The following ASPM variants were observed in gnomAD, a reference collection of about 807,000 sequenced individuals.
ASPM encodes the protein abnormal spindle-like microcephaly-associated protein.
Under a neutral mutation model 366.4 loss-of-function variants are expected in ASPM, and 256 were observed. The ratio of observed to expected loss-of-function variants is 0.70; its 90% CI spans 0.63 to 0.77. ASPM has a LOEUF of 0.77. Ranked by LOEUF, ASPM falls within the 30% of genes least tolerant of loss-of-function variation. The probability of loss-of-function intolerance (pLI) is 0.00; values close to 1 mark genes in which losing one functional copy is unlikely to be tolerated. For missense variants in ASPM, 4,146 were observed against 4,090.4 expected, an observed-to-expected ratio of 1.01 and a Z score of -0.37; for synonymous variants, 1,414 against 1,342.9, an observed-to-expected ratio of 1.05 and a Z score of -1.16.
chr1:197,117,309 T>C (rs1169592265), intron 17 of ASPM, among the ~76,000 whole-genome samples: 1 of 151,984 alleles, frequency 6.6e-6, no homozygotes, highest in Admixed American at 6.6e-5. Context: ...ATTAAGTCAG[T>C]ATTATATATT....
intron 18 of ASPM, among the ~76,000 whole-genome samples, chr1:197,096,525 T>C (rs963166440): frequency 2.6e-5 from 4 of 151,772 alleles, no homozygotes; most frequent in East Asian, 1.9e-4. Flanking sequence ...AATGAACACA[T>C]TGACCTACTG....
rs759761851 is a variant in ASPM at position 197,100,661 on chromosome 1, T to A, written c.8590A>T (p.Ile2864Phe). The A allele has an allele frequency of 6.2e-7, 1 of 1,612,360 alleles. No homozygotes were observed. Among genetic ancestry groups the A allele is most frequent in the African/African-American group, 1.3e-5 (1 of 74,934 alleles). Reference sequence around the variant, plus strand: ...GTCCTAAAATAATGCTGTAAAGTGATAGCAGCTCTTTTCTGCTGAACAAAT... The same window carrying A: ...GTCCTAAAATAATGCTGTAAAGTGAAAGCAGCTCTTTTCTGCTGAACAAAT... ...RRFVQQKRAAITLQHYFRTWQ... is the reference protein window; with the variant it reads ...RRFVQQKRAAFTLQHYFRTWQ... The change falls in exon 18 of 28, where the codon ATC becomes TTC. Residue 2864 changes from isoleucine to phenylalanine, a missense_variant. This residue lies in a region of ASPM where 3,624 missense variants were observed against 3,591.7 expected (regional missense o/e 1.01). Transcript: ENST00000367409.
intron 17 of ASPM, among the ~76,000 whole-genome samples, chr1:197,116,006 A>G (rs566510903): frequency 7.9e-5 from 12 of 152,356 alleles, no homozygotes; most frequent in African/African-American, 2.9e-4. Context: ...CAAAAGTCCT[A>G]GATGGCATCT....
intron 22 of ASPM, 82 bp from the exon 23 acceptor site, chr1:197,091,123 A>ATGTATATT: frequency 1.7e-6 from 2 of 1,146,886 alleles, no homozygotes; most frequent in Non-Finnish European, 2.5e-6. Flanking sequence ...TTATACATAA[A>ATGTATATT]TGAAAGAAAT....
chr1:197,140,902 G>A (rs1439230623), intron 3 of ASPM, among the ~76,000 whole-genome samples: 10 of 152,112 alleles, frequency 6.6e-5, no homozygotes, highest in Non-Finnish European at 1.2e-4. Context: ...AAGTGATAGA[G>A]AATAACAGGC....
Position 197,142,865 on chromosome 1 carries a change from TGTA to T in ASPM, c.1384_1386del (p.Tyr462del). The T allele has an allele frequency of 6.2e-7, 1 of 1,613,046 alleles. No homozygotes were observed. Among genetic ancestry groups the T allele is most frequent in the Non-Finnish European group, 8.5e-7 (1 of 1,179,074 alleles). On this transcript the variant is annotated inframe_deletion, in exon 3 of 28. Transcript: ENST00000367409. Reference sequence around the variant, plus strand: ...TTAGGATTATTTTGTTTTATAAAACTGTAGTAATTTGACTTCATTTCTACTAGT... The same window carrying T: ...TTAGGATTATTTTGTTTTATAAAACTGTAATTTGACTTCATTTCTACTAGT...
In ASPM at chr1:197,096,056, T is replaced by C. The variant is rs148818072; in HGVS notation, c.8929A>G (p.Ile2977Val). 156 of 1,609,040 alleles carry C rather than the reference T, an allele frequency of 9.7e-5. No homozygotes were observed. Among genetic ancestry groups the C allele is most frequent in the African/African-American group, 2.8e-4 (21 of 74,798 alleles). The change falls in exon 19 of 28, where the codon ATA becomes GTA. Residue 2977 changes from isoleucine to valine, a missense_variant. Ile to Val is a conservative substitution (Grantham distance 29). Transcript: ENST00000367409. ...TGAATAATTTTAACAGCTTTTAATATAGCTAGATATTCTTTGTGTGCTCTC... is the reference window on the plus strand; with the variant it reads ...TGAATAATTTTAACAGCTTTTAATACAGCTAGATATTCTTTGTGTGCTCTC... Reference protein sequence around the residue: ...CWRAHKEYLAILKAVKIIQGC... With the variant: ...CWRAHKEYLAVLKAVKIIQGC...
rs1657283902 is a variant in ASPM, at chr1:197,103,612, G to A, written c.5639C>T (p.Ser1880Phe). 3.1e-6 allele frequency: 5 copies of A among 1,612,696 alleles called. No homozygotes were observed. The African/African-American group carries it at 5.3e-5, about 17-fold the overall frequency. ...CCAGCCACGATAAGCAGACTGGAGG[G>A]AAATCACAGCTGCCTTTGTCTTCAA... is the stretch of plus-strand genomic sequence containing the variant. ...HFLKTKAAVI[S>F]LQSAYRGWKV... Residue 1880 changes from serine (S) to phenylalanine (F), a missense_variant, in exon 18 of 28, where the codon TCC becomes TTC. This residue lies in a region of ASPM where 3,624 missense variants were observed against 3,591.7 expected (regional missense o/e 1.01). Coordinates refer to ENST00000367409, the MANE Select transcript of ASPM (RefSeq NM_018136.5).
At chr1:197,145,768 C>G (rs960150033) in intron 1 of ASPM, among the ~76,000 whole-genome samples, 18 of 151,686 alleles carry the variant, frequency 1.2e-4, no homozygotes, top group Admixed American at 1.2e-3. Flanking sequence ...ATAACTTGCT[C>G]CTAAAGATGC....
At chr1:197,135,780 G>A (rs1352553360) in intron 4 of ASPM, among the ~76,000 whole-genome samples, 5 of 151,928 alleles carry the variant, frequency 3.3e-5, no homozygotes, top group African/African-American at 9.7e-5. Flanking sequence ...GCAAAACCCC[G>A]TCTCTACCAA....
chr1:197,115,727 C>G (rs61819087), intron 17 of ASPM, among the ~76,000 whole-genome samples: 46,351 of 152,090 alleles, frequency 0.3, 8,848 homozygotes, highest in Middle Eastern at 0.46. Context: ...AAGGAATCTT[C>G]TTTTCTGTGT....
Position 197,135,171 on chromosome 1 carries a change from C to T in ASPM, c.2098G>A (p.Glu700Lys). The change falls in exon 5 of 28, where the codon GAA (glutamate) becomes AAA (lysine). Residue 700 changes from glutamate to lysine, a missense_variant. Around this residue, in one of 3 missense-constraint regions of ASPM, gnomAD observed 3,624 missense variants for 3,591.7 expected, o/e 1.01. Transcript: ENST00000367409. Reference protein sequence around the residue: ...FYDERWKEKQEQGFTWWLNFI... With the variant: ...FYDERWKEKQKQGFTWWLNFI... The stretch of plus-strand genomic sequence containing the variant: ...TTTAACCACCAAGTGAAGCCCTGTT[C>T]CTGCTTTTCCTTCCAGCGTTCATCA... The T allele has an allele frequency of 6.2e-7, 1 of 1,613,680 alleles. No individual in the cohort carries two copies. Among genetic ancestry groups the T allele is most frequent in the Non-Finnish European group, 8.5e-7 (1 of 1,179,652 alleles).
At chr1:197,144,366 TTTTG>T (rs745903520) in intron 1 of ASPM, among the ~76,000 whole-genome samples, 20 of 152,182 alleles carry the variant, frequency 1.3e-4, no homozygotes, top group African/African-American at 3.6e-4. Flanking sequence ...CTCTAAATCA[TTTTG>T]TTTGAGTGGT....
At chr1:197,106,975 G>C (rs1657431023) in intron 17 of ASPM, among the ~76,000 whole-genome samples, 2 of 152,030 alleles carry the variant, frequency 1.3e-5, no homozygotes, top group South Asian at 4.1e-4. Context: ...ACTATAACCT[G>C]TGCCATACTT....
chr1:197,100,487 C>A lies in ASPM; in HGVS notation c.8764G>T (p.Gly2922Ter), dbSNP rs1438789276. 2 of 1,601,388 alleles carry A rather than the reference C, an allele frequency of 1.2e-6. No individual in the cohort carries two copies. The highest frequency in any genetic ancestry group is 2.3e-5 in the South Asian group (2 of 88,650). ...TGAAACTTCCGTTTCTGTATAAATC[C>A]TTTACTTCTAGCTTGAATAATGATA... is the stretch of plus-strand genomic sequence containing the variant. ...SVIIIQARSK[G>*]FIQKRKFQEI... is the part of the protein sequence containing the mutation. Residue 2922 changes from glycine (G) to a stop codon, truncating the protein, a stop_gained, in exon 18 of 28, where the codon GGA becomes TGA. Coordinates refer to ENST00000367409, the MANE Select transcript of ASPM (RefSeq NM_018136.5). LOFTEE classifies it high-confidence loss of function.
chr1:197,086,948 C>T lies in ASPM; in HGVS notation c.10186G>A (p.Val3396Ile). The T allele has an allele frequency of 5.0e-6, 8 of 1,609,896 alleles. No individual in the cohort carries two copies. The highest frequency in any genetic ancestry group is 6.8e-6 in the Non-Finnish European group (8 of 1,179,428). Residue 3396 changes from valine to isoleucine, a missense_variant, in exon 27 of 28, where the codon GTT becomes ATT. Around this residue, in one of 3 missense-constraint regions of ASPM, gnomAD observed 3,624 missense variants for 3,591.7 expected, o/e 1.01. Coordinates refer to ENST00000367409, the MANE Select transcript of ASPM (RefSeq NM_018136.5). ...TTGTAGAGACTGTAAATACGGTCAACAACTTTGGACCTACTTCGTACATCC... is the reference window on the plus strand; with the variant it reads ...TTGTAGAGACTGTAAATACGGTCAATAACTTTGGACCTACTTCGTACATCC... ...ASDVRSRSKV[V>I]DRIYSLYKLT... is the part of the protein sequence containing the mutation.
At position 197,135,091 on chromosome 1, in the gene ASPM, T is replaced by A. The variant is rs1196624971; in HGVS notation, c.2173+5A>T. 4 of 1,558,278 alleles carry A rather than the reference T, an allele frequency of 2.6e-6. No individual in the cohort carries two copies. The highest frequency in any genetic ancestry group is 3.5e-6 in the Non-Finnish European group (4 of 1,132,866). ...ATTAAATTTAAACATTAATTTAACG[T>A]TTACCTTCAGAAATATTTGTTTTTA... On this transcript the variant is annotated splice_donor_5th_base_variant and intron_variant, in intron 5 of 27. Transcript: ENST00000367409.
Position 197,135,079 on chromosome 1 carries a change from ATTAAT to A in ASPM, c.2173+12_2173+16del. ...GTTAAAAGTATTATTAAATTTAAAC[ATTAAT>A]TTAACGTTTACCTTCAGAAATATTT... On this transcript the variant is annotated intron_variant, in intron 5 of 27. Coordinates refer to ENST00000367409, the MANE Select transcript of ASPM (RefSeq NM_018136.5). 1.3e-6 allele frequency: 2 copies of A among 1,487,912 alleles called. No homozygotes were observed. Among genetic ancestry groups the A allele is most frequent in the Non-Finnish European group, 9.3e-7 (1 of 1,075,926 alleles). 92.2% of individuals were successfully genotyped at this position (1,487,912 alleles called of 1,614,324 possible). A position where few individuals can be genotyped will look rare whatever the true frequency, so the allele number is the denominator to read the frequency against.
At position 197,103,327 on chromosome 1, in the gene ASPM, A is replaced by G. The variant is rs1249978221; in HGVS notation, c.5924T>C (p.Ile1975Thr). The change falls in exon 18 of 28, where the codon ATC becomes ACC. Residue 1975 changes from isoleucine to threonine, a missense_variant. Ile to Thr is a moderately conservative substitution (Grantham distance 89). Transcript: ENST00000367409. ...RQLQRQHKCA[I>T]IIQSYYRMHV... is the part of the protein sequence containing the mutation. The stretch of plus-strand genomic sequence containing the variant: ...CATTCTATAGTATGACTGTATGATG[A>G]TAGCACATTTATGTTGCCTTTGAAG... The G allele has an allele frequency of 6.2e-7, 1 of 1,613,112 alleles. No homozygotes were observed. The highest frequency in any genetic ancestry group is 8.5e-7 in the Non-Finnish European group (1 of 1,179,484).
Sources: gnomAD v4.1 joint callset for allele counts (sites outside exome capture counted in the v4.1 genomes callset) on GRCh38, gnomAD v4.1.1 for gene constraint, gnomAD v4.1.1 regional missense constraint, MANE v1.5 for transcripts, NCBI Gene and HGNC (gene_info 2026-07-23, HGNC 2026-07-21) for gene names.